The following PTPRG variants were observed in gnomAD, a reference collection of about 807,000 sequenced individuals.
PTPRG encodes the protein receptor-type tyrosine-protein phosphatase gamma.
A neutral mutation model predicts 165.3 loss-of-function variants in PTPRG; 102 were observed. That is an observed-to-expected ratio of 0.62 (90% CI 0.53 to 0.73). PTPRG has a LOEUF of 0.73. Ranked by LOEUF, PTPRG falls within the 30% of genes least tolerant of loss-of-function variation. PTPRG has a pLI of 0.00. For missense variants in PTPRG, 1,866 were observed against 1,861.4 expected (o/e 1.00, Z -0.05); for synonymous variants, 675 against 669.5 (o/e 1.01, Z -0.13).
At chr3:62,253,324 T>C (rs1205764918) in intron 15 of PTPRG, among the ~76,000 whole-genome samples, 2 of 152,330 alleles carry the variant, frequency 1.3e-5, no homozygotes, top group Admixed American at 6.5e-5. Flanking sequence ...CTTCAACTTA[T>C]TACTCTGCTA....
intron 1 of PTPRG, among the ~76,000 whole-genome samples, chr3:61,653,457 TTTG>T (rs1702416385): frequency 3.2e-5 from 1 of 30,908 alleles, no homozygotes; most frequent in Non-Finnish European, 6.1e-5. Flanking sequence ...GGACATTTTA[TTTG>T]TTTTCATTTT....
In PTPRG at chr3:62,252,578, G is replaced by C. The variant is rs1400608027; in HGVS notation, c.2468-2546G>C. 1.3e-5 allele frequency among the ~76,000 whole-genome samples: 2 copies of C among 152,100 alleles called. No homozygotes were observed. The highest frequency in any genetic ancestry group is 2.4e-5 in the African/African-American group (1 of 41,414). On this transcript the variant is annotated intron_variant, in intron 15 of 29. Transcript: ENST00000474889. The surrounding 1 kb of genome is among the most constrained non-coding windows in gnomAD (Gnocchi z 4.6). The stretch of plus-strand genomic sequence containing the variant: ...TGAATGTCTTCTTAAAACACACAGG[G>C]CCTTTCCAGATAAAAATTGAGCTGA...
intron 2 of PTPRG, among the ~76,000 whole-genome samples, chr3:61,802,942 C>T (rs2035293103): frequency 6.6e-6 from 1 of 152,214 alleles, no homozygotes. Flanking sequence ...GTAGGTTCAT[C>T]TTCTTCTTTA....
At chr3:61,685,298 G>C (rs561573214) in intron 1 of PTPRG, among the ~76,000 whole-genome samples, 5 of 152,220 alleles carry the variant, frequency 3.3e-5, no homozygotes, top group Non-Finnish European at 7.3e-5. Flanking sequence ...ATCGTGGAGG[G>C]CAAGTTAGTT....
chr3:62,102,326 G>C (rs1299717289), intron 5 of PTPRG, among the ~76,000 whole-genome samples: 2 of 152,036 alleles, frequency 1.3e-5, no homozygotes, highest in Admixed American at 6.6e-5. Flanking sequence ...CCAGGCTGGA[G>C]TGCAGTGGCG....
At chr3:62,253,395 C>A (rs761714973) in intron 15 of PTPRG, among the ~76,000 whole-genome samples, 1 of 152,094 alleles carries the variant, frequency 6.6e-6, no homozygotes, top group African/African-American at 2.4e-5. Context: ...ATATGAAAGT[C>A]CTATAGTCTA....
chr3:61,704,885 C>G (rs945034895), intron 1 of PTPRG, among the ~76,000 whole-genome samples: 4 of 152,176 alleles, frequency 2.6e-5, no homozygotes, highest in Non-Finnish European at 4.4e-5. Flanking sequence ...TCTGCCTGGC[C>G]CCCGCCCCTG....
At chr3:62,291,293 T>C (rs914228548) in intron 28 of PTPRG, among the ~76,000 whole-genome samples, 2 of 152,124 alleles carry the variant, frequency 1.3e-5, no homozygotes, top group Admixed American at 6.6e-5. Context: ...GAAAGAAATA[T>C]GGCAGTGTCT....
At chr3:61,699,835 C>T (rs2030850811) in intron 1 of PTPRG, among the ~76,000 whole-genome samples, 1 of 152,064 alleles carries the variant, frequency 6.6e-6, no homozygotes, top group Admixed American at 6.5e-5. Flanking sequence ...ACAAAGAAGC[C>T]TAAAAGAATG....
At chr3:61,779,247 A>G (rs1283056504) in intron 2 of PTPRG, among the ~76,000 whole-genome samples, 1 of 152,216 alleles carries the variant, frequency 6.6e-6, no homozygotes, top group Non-Finnish European at 1.5e-5. Flanking sequence ...CTTGAAGCTG[A>G]GCAAACTGGG....
At chr3:61,748,496 A>G (rs2033299495) in intron 1 of PTPRG, among the ~76,000 whole-genome samples, 1 of 152,208 alleles carries the variant, frequency 6.6e-6, no homozygotes, top group East Asian at 1.9e-4. Flanking sequence ...AGTTGTATGT[A>G]TGACCTTGGT....
intron 8 of PTPRG, among the ~76,000 whole-genome samples, chr3:62,187,317 A>T (rs994195037): frequency 3.3e-5 from 5 of 152,216 alleles, no homozygotes; most frequent in African/African-American, 1.2e-4. Context: ...ATTGTGTTTC[A>T]AAAAAAGGCT....
At chr3:62,096,203 C>T (rs1020525321) in intron 5 of PTPRG, among the ~76,000 whole-genome samples, 17 of 152,032 alleles carry the variant, frequency 1.1e-4, no homozygotes, top group African/African-American at 3.9e-4. Context: ...ATTTTATCTT[C>T]TTATATAGGA....
At chr3:61,714,843 T>C (rs1331261196) in intron 1 of PTPRG, among the ~76,000 whole-genome samples, 2 of 152,206 alleles carry the variant, frequency 1.3e-5, no homozygotes, top group East Asian at 3.9e-4. Flanking sequence ...ACAAGAAGTA[T>C]CTTGTTTTAG....
chr3:61,992,305 G>C (rs971131813), intron 3 of PTPRG, among the ~76,000 whole-genome samples: 37 of 152,074 alleles, frequency 2.4e-4, no homozygotes, highest in African/African-American at 8.7e-4. Flanking sequence ...AGAAACTTGG[G>C]TGCAGAAATC....
chr3:61,568,215 G>C (rs1462471499), intron 1 of PTPRG, among the ~76,000 whole-genome samples: 22 of 152,168 alleles, frequency 1.4e-4, no homozygotes, highest in Non-Finnish European at 3.2e-4. Context: ...ACGTCTCCTT[G>C]CTTTTCCCTA....
intron 8 of PTPRG, among the ~76,000 whole-genome samples, chr3:62,179,361 C>T (rs558846958): frequency 3.3e-5 from 5 of 152,236 alleles, no homozygotes; most frequent in African/African-American, 9.6e-5. Flanking sequence ...TGGCTGGGAC[C>T]GAAATAAGTA....
intron 2 of PTPRG, among the ~76,000 whole-genome samples, chr3:61,919,068 T>G (rs1295392721): frequency 2.6e-5 from 4 of 152,192 alleles, no homozygotes. Flanking sequence ...CCTAAAATGT[T>G]CCCAAAAGTC....
At chr3:62,003,563 C>G in intron 4 of PTPRG, 66 bp downstream of exon 4, 1 of 1,572,864 alleles carries the variant, frequency 6.4e-7, no homozygotes, top group African/African-American at 1.4e-5. Context: ...AGATGCTGTG[C>G]CCTTACCCTC....
Sources: gnomAD v4.1 joint callset for allele counts (sites outside exome capture counted in the v4.1 genomes callset) on GRCh38, gnomAD v4.1.1 for gene constraint, Gnocchi (gnomAD v3.1) non-coding constraint, MANE v1.5 for transcripts, NCBI Gene and HGNC (gene_info 2026-07-23, HGNC 2026-07-21) for gene names.